The following HOMER1 variants were observed in gnomAD, a reference collection of about 807,000 sequenced individuals.
HOMER1 encodes the protein homer protein homolog 1.
In HOMER1, 3 loss-of-function variants were observed where a neutral mutation model predicts 48.9. That is an observed-to-expected ratio of 0.06 (90% CI 0.03 to 0.16). HOMER1 has a LOEUF of 0.16. Among genes scored for constraint, HOMER1 ranks in the 10% least tolerant of loss-of-function variants. HOMER1 has a pLI of 1.00. For synonymous variants in HOMER1, 134 were observed against 146.4 expected, an observed-to-expected ratio of 0.92 and a Z score of 0.61; for missense variants, 247 against 411.4, an observed-to-expected ratio of 0.60 and a Z score of 3.46.
At chr5:79,457,636 A>C (rs1187062344) in intron 1 of HOMER1, among the ~76,000 whole-genome samples, 1 of 152,238 alleles carries the variant, frequency 6.6e-6, no homozygotes, top group East Asian at 1.9e-4. Flanking sequence ...GTTCAATGTT[A>C]ATGCATTAAC....
chr5:79,507,941 T>G (rs1344498046), intron 1 of HOMER1, among the ~76,000 whole-genome samples: 1 of 152,158 alleles, frequency 6.6e-6, no homozygotes, highest in Non-Finnish European at 1.5e-5. Context: ...AATGTCCTAA[T>G]TCTGAAAAAG....
At chr5:79,501,809 C>T (rs1041297427) in intron 1 of HOMER1, among the ~76,000 whole-genome samples, 10 of 152,076 alleles carry the variant, frequency 6.6e-5, no homozygotes, top group Non-Finnish European at 1.2e-4. Context: ...CTTTGGGCTG[C>T]GTCTCCTTCT....
chr5:79,445,983 T>C (rs1750866011), intron 4 of HOMER1, among the ~76,000 whole-genome samples: 1 of 152,222 alleles, frequency 6.6e-6, no homozygotes. Flanking sequence ...TGCACGCACG[T>C]GCATGTATTT....
intron 1 of HOMER1, among the ~76,000 whole-genome samples, chr5:79,492,201 C>T (rs961404002): frequency 1.3e-5 from 2 of 152,044 alleles, no homozygotes; most frequent in African/African-American, 4.8e-5. Flanking sequence ...ACAAATATTG[C>T]TTAATTTAGT....
In HOMER1 at chr5:79,376,003, C is replaced by T. The variant is rs1580407032; in HGVS notation, c.*6G>A. 3.2e-6 allele frequency: 5 copies of T among 1,569,818 alleles called. No homozygotes were observed. In the African/African-American group the frequency reaches 6.8e-5, roughly 22 times the overall value. On this transcript the variant is annotated 3_prime_UTR_variant, in exon 9 of 9. Coordinates refer to ENST00000334082, the MANE Select transcript of HOMER1 (RefSeq NM_004272.5). ...TTAATTAATTGGCACTGAAATTTCA[C>T]TTTCCTTAGCTGCATTCTAGTAGCT...
At chr5:79,476,879 G>A (rs1013011465) in intron 1 of HOMER1, among the ~76,000 whole-genome samples, 6 of 152,144 alleles carry the variant, frequency 3.9e-5, no homozygotes, top group Non-Finnish European at 7.3e-5. Context: ...CTAATAAACT[G>A]ATTGAAAAAA....
chr5:79,389,309 T>C (rs765981920), intron 8 of HOMER1, among the ~76,000 whole-genome samples: 4 of 152,030 alleles, frequency 2.6e-5, no homozygotes, highest in Non-Finnish European at 5.9e-5. Context: ...TCAGAAAGTA[T>C]GTATCCATGA....
At chr5:79,467,180 C>G (rs1751489941) in intron 1 of HOMER1, among the ~76,000 whole-genome samples, 1 of 151,824 alleles carries the variant, frequency 6.6e-6, no homozygotes, top group Non-Finnish European at 1.5e-5. Flanking sequence ...GGGCGGATCA[C>G]TTGAGGTCAA....
intron 1 of HOMER1, 32 bp from the exon 2 acceptor site, chr5:79,457,050 A>T: frequency 6.2e-7 from 1 of 1,608,954 alleles, no homozygotes; most frequent in Non-Finnish European, 8.5e-7. Context: ...GATGGACTGA[A>T]AGCAGCCAGT....
intron 1 of HOMER1, among the ~76,000 whole-genome samples, chr5:79,480,037 G>A (rs952067269): frequency 6.6e-6 from 1 of 152,126 alleles, no homozygotes; most frequent in Non-Finnish European, 1.5e-5. Flanking sequence ...AGTAACAAGC[G>A]TAGTTGAGTA....
chr5:79,447,229 CTGA>C (rs1750909434), intron 3 of HOMER1, 84 bp from the exon 4 acceptor site: 1 of 778,570 alleles, frequency 1.3e-6, no homozygotes, highest in Non-Finnish European at 2.2e-6. Context: ...TATTCATTTT[CTGA>C]ATAACTGACT....
intron 8 of HOMER1, among the ~76,000 whole-genome samples, chr5:79,388,228 T>C (rs1749164970): frequency 6.6e-6 from 1 of 151,612 alleles, no homozygotes; most frequent in African/African-American, 2.4e-5. Flanking sequence ...AAGCAGAAGA[T>C]AAAAGGAAGA....
At chr5:79,453,544 CTTT>C (rs1561369718) in intron 2 of HOMER1, among the ~76,000 whole-genome samples, 2 of 152,018 alleles carry the variant, frequency 1.3e-5, no homozygotes, top group Non-Finnish European at 2.9e-5. Context: ...TTCTTAGCTT[CTTT>C]GAGTAGAATG....
At chr5:79,441,968 G>GGGT (rs1750748770) in intron 4 of HOMER1, among the ~76,000 whole-genome samples, 1 of 147,542 alleles carries the variant, frequency 6.8e-6, no homozygotes, top group Non-Finnish European at 1.5e-5. Flanking sequence ...TCTTTTTTGG[G>GGGT]GTGTGTGTGT....
chr5:79,414,686 A>G (rs1749898710), intron 5 of HOMER1, among the ~76,000 whole-genome samples: 1 of 151,688 alleles, frequency 6.6e-6, no homozygotes, highest in Non-Finnish European at 1.5e-5. Flanking sequence ...GCCCTGTTCT[A>G]TTCTTTATAC....
At chr5:79,406,416 ATTTC>A (rs1749664273) in intron 5 of HOMER1, among the ~76,000 whole-genome samples, 1 of 152,314 alleles carries the variant, frequency 6.6e-6, no homozygotes, top group South Asian at 2.1e-4. Flanking sequence ...TACCACAAGC[ATTTC>A]TAAGGCTCTT....
chr5:79,494,384 C>T (rs1752367453), intron 1 of HOMER1, among the ~76,000 whole-genome samples: 1 of 152,302 alleles, frequency 6.6e-6, no homozygotes, highest in African/African-American at 2.4e-5. Context: ...TTTCTCTCCT[C>T]TTGGTTCCCT....
chr5:79,491,529 G>A (rs556552072), intron 1 of HOMER1, among the ~76,000 whole-genome samples: 86 of 151,784 alleles, frequency 5.7e-4, no homozygotes, highest in Non-Finnish European at 8.2e-4. Context: ...TCTTGCTTGG[G>A]CTTTCTTTAT....
chr5:79,385,924 A>G (rs1749099344), intron 8 of HOMER1, among the ~76,000 whole-genome samples: 1 of 151,872 alleles, frequency 6.6e-6, no homozygotes, highest in Non-Finnish European at 1.5e-5. Context: ...ATAACATCAG[A>G]ATTGAATGGA....
Sources: gnomAD v4.1 joint callset for allele counts (sites outside exome capture counted in the v4.1 genomes callset) on GRCh38, gnomAD v4.1.1 for gene constraint, MANE v1.5 for transcripts, NCBI Gene and HGNC (gene_info 2026-07-23, HGNC 2026-07-21) for gene names.